The following ADAMTSL1 variants were observed in gnomAD, a reference collection of about 807,000 sequenced individuals.
ADAMTSL1 encodes the protein ADAMTS like 1.
ADAMTSL1 carries 126 observed loss-of-function variants against 201.8 expected under a neutral mutation model. The ratio of observed to expected loss-of-function variants is 0.62; its 90% CI spans 0.54 to 0.72. ADAMTSL1 has a LOEUF of 0.72. Ranked by LOEUF, ADAMTSL1 falls within the 30% of genes least tolerant of loss-of-function variation. The pLI, the probability that ADAMTSL1 is intolerant of heterozygous loss-of-function variation, is 0.00. For synonymous variants in ADAMTSL1, 1,121 were observed against 903.4 expected (o/e 1.24, Z -4.32); for missense variants, 2,679 against 2,277.8 (o/e 1.18, Z -3.59).
At chr9:18,346,965 C>A (rs1835751626) in intron 2 of ADAMTSL1, among the ~76,000 whole-genome samples, 1 of 152,134 alleles carries the variant, frequency 6.6e-6, no homozygotes, top group Non-Finnish European at 1.5e-5. Flanking sequence ...CCTCAGACAT[C>A]TTCAGATTCC....
intron 1 of ADAMTSL1, among the ~76,000 whole-genome samples, chr9:18,160,418 A>G (rs1827331798): frequency 6.6e-6 from 1 of 151,986 alleles, no homozygotes; most frequent in Non-Finnish European, 1.5e-5. Context: ...CCCTAATCCT[A>G]ACATAGCCAT....
rs201281720 is a variant in ADAMTSL1 at position 18,446,107 on chromosome 9, A to G, written c.208-58722A>G. 4.6e-5 allele frequency among the ~76,000 whole-genome samples: 7 copies of G among 152,182 alleles called. No individual in the cohort carries two copies. In the East Asian group the frequency reaches 1.2e-3, roughly 25 times the overall value. On this transcript the variant is annotated intron_variant, in intron 2 of 29. Coordinates refer to the ADAMTSL1 transcript ENST00000680146. ...TCTTCCTGTATTGAACAACATTTAC[A>G]TTAGCTCAATTGTGCGATTACCTCT...
chr9:17,908,168 T>G (rs1825796826), intron 1 of ADAMTSL1, among the ~76,000 whole-genome samples: 1 of 152,196 alleles, frequency 6.6e-6, no homozygotes, highest in South Asian at 2.1e-4. Context: ...AGGGAACACC[T>G]GCTTAGATTG....
intron 2 of ADAMTSL1, among the ~76,000 whole-genome samples, chr9:18,348,554 A>T (rs536248613): frequency 5.9e-5 from 9 of 152,348 alleles, no homozygotes; most frequent in Non-Finnish European, 1.3e-4. Context: ...ATTCTCTAGA[A>T]TTATTCCATT....
chr9:18,681,699 G>GTGGGGC lies in ADAMTSL1; in HGVS notation c.1342-113_1342-112insTGGGGC. On this transcript the variant is annotated intron_variant, in intron 11 of 28. Coordinates refer to ENST00000380548, the MANE Select transcript of ADAMTSL1 (RefSeq NM_001040272.6). ...TAAATTTACCAGGAGTCCTCGTGTG[G>GTGGGGC]GGGGGGGGGGCGGGGAAAAAGAAAA... The GTGGGGC allele has an allele frequency of 6.6e-5, 19 of 287,436 alleles. 1 individual carries two copies. The highest frequency in any genetic ancestry group is 4.0e-4 in the South Asian group (6 of 14,990). The allele number at this position is 287,436 out of a possible 1,614,324, so 17.8% of individuals were successfully genotyped here. A position where few individuals can be genotyped will look rare whatever the true frequency, so the allele number is the denominator to read the frequency against.
chr9:18,721,177 C>A (rs1050019022), intron 14 of ADAMTSL1, among the ~76,000 whole-genome samples: 1 of 152,134 alleles, frequency 6.6e-6, no homozygotes, highest in African/African-American at 2.4e-5. Flanking sequence ...TTTTGGGCCC[C>A]TTTTTTGCCA....
At chr9:17,924,516 A>G (rs960560083) in intron 1 of ADAMTSL1, among the ~76,000 whole-genome samples, 1 of 148,990 alleles carries the variant, frequency 6.7e-6, no homozygotes, top group Non-Finnish European at 1.5e-5. Context: ...ATATAGATCA[A>G]TGGAACAGAA....
chr9:18,780,026 G>A (rs1257916483), intron 19 of ADAMTSL1, among the ~76,000 whole-genome samples: 1 of 152,198 alleles, frequency 6.6e-6, no homozygotes, highest in Non-Finnish European at 1.5e-5. Context: ...CAATGGGAAG[G>A]GGTCATCAGG....
chr9:18,328,601 G>A (rs1441571784), intron 2 of ADAMTSL1, among the ~76,000 whole-genome samples: 1 of 152,188 alleles, frequency 6.6e-6, no homozygotes, highest in Non-Finnish European at 1.5e-5. Flanking sequence ...GCTGGGCTAT[G>A]AAAACAAGCA....
chr9:18,770,459 C>T (rs896671682), intron 16 of ADAMTSL1, 143 bp from the exon 17 acceptor site: 1 of 840,674 alleles, frequency 1.2e-6, no homozygotes. Context: ...GAAACAAAAT[C>T]CTTTGGGCCG....
At chr9:17,925,874 C>T (rs1826506554) in intron 1 of ADAMTSL1, among the ~76,000 whole-genome samples, 1 of 150,004 alleles carries the variant, frequency 6.7e-6, no homozygotes, top group South Asian at 2.1e-4. Context: ...AAAAGAAAAC[C>T]ATCCAAAGCA....
At chr9:17,929,098 C>A (rs145221086) in intron 1 of ADAMTSL1, among the ~76,000 whole-genome samples, 1 of 152,104 alleles carries the variant, frequency 6.6e-6, no homozygotes, top group South Asian at 2.1e-4. Context: ...AATTTTAAAA[C>A]GATGAAGAAT....
chr9:17,966,140 A>C (rs2131412214), intron 1 of ADAMTSL1, among the ~76,000 whole-genome samples: 1 of 152,302 alleles, frequency 6.6e-6, no homozygotes, highest in East Asian at 1.9e-4. Context: ...ATCCAGATTA[A>C]GAGAGGTCTG....
At chr9:18,408,348 G>C (rs1258089300) in intron 2 of ADAMTSL1, among the ~76,000 whole-genome samples, 1 of 152,142 alleles carries the variant, frequency 6.6e-6, no homozygotes, top group Admixed American at 6.5e-5. Flanking sequence ...GTAGGCACCT[G>C]TAATCCCAGC....
chr9:18,209,760 C>T (rs1181969936), intron 2 of ADAMTSL1, among the ~76,000 whole-genome samples: 1 of 152,130 alleles, frequency 6.6e-6, no homozygotes, highest in Non-Finnish European at 1.5e-5. Context: ...ATTATTTCCT[C>T]TTTGTTCTGT....
chr9:18,489,951 A>G (rs542100352), intron 1 of ADAMTSL1, among the ~76,000 whole-genome samples: 1 of 152,294 alleles, frequency 6.6e-6, no homozygotes, highest in Non-Finnish European at 1.5e-5. Flanking sequence ...TCATAGTAGT[A>G]TTATGAGGAT....
At chr9:18,725,541 G>A (rs1034669430) in intron 15 of ADAMTSL1, among the ~76,000 whole-genome samples, 11 of 152,244 alleles carry the variant, frequency 7.2e-5, no homozygotes, top group Non-Finnish European at 1.2e-4. Context: ...AAACCAGCTC[G>A]AGGGAGAAAT....
intron 1 of ADAMTSL1, among the ~76,000 whole-genome samples, chr9:18,049,561 C>G (rs1378170037): frequency 6.6e-6 from 1 of 151,858 alleles, no homozygotes; most frequent in Non-Finnish European, 1.5e-5. Flanking sequence ...CCAGCAGAGC[C>G]CAGTGGTAGA....
chr9:18,468,765 A>G (rs1220323904), intron 2 of ADAMTSL1, among the ~76,000 whole-genome samples: 1 of 152,180 alleles, frequency 6.6e-6, no homozygotes. Flanking sequence ...CCTTTCTTCT[A>G]CTGACTGGGG....
Sources: allele counts gnomAD v4.1 joint callset (sites outside exome capture counted in the v4.1 genomes callset), GRCh38; gene constraint gnomAD v4.1.1; transcripts MANE v1.5; gene names NCBI Gene and HGNC (gene_info 2026-07-23, HGNC 2026-07-21).